The following VAV2 variants were observed in gnomAD, a reference collection of about 807,000 sequenced individuals.
VAV2 encodes vav guanine nucleotide exchange factor 2.
VAV2 carries 67 observed loss-of-function variants against 132.5 expected under a neutral mutation model. The observed-to-expected ratio is 0.51, with a 90% confidence interval of 0.42 to 0.62. The LOEUF is 0.62. VAV2 is among the 20% of genes least tolerant of loss of function. The probability of loss-of-function intolerance (pLI) is 0.00; values close to 1 mark genes in which losing one functional copy is unlikely to be tolerated. For synonymous variants in VAV2, 492 were observed against 443.5 expected (o/e 1.11, Z -1.37); for missense variants, 938 against 1,153.6 (o/e 0.81, Z 2.71).
rs1312451345 is a variant in VAV2 at position 133,802,737 on chromosome 9, T to G, written c.836+3344A>C. ...AGAGATGCCTCTCCTCTGCCCATTT[T>G]CCTCATGGTATCACCTCTGCCTCCA... On this transcript the variant is annotated intron_variant, in intron 9 of 29. Coordinates refer to ENST00000371850, the MANE Select transcript of VAV2 (RefSeq NM_001134398.2). This position sits in a 1 kb window ranked among gnomAD's most constrained non-coding sequence, Gnocchi z 5.8. Among the ~76,000 whole-genome samples, 5 of 145,862 alleles carry G rather than the reference T, an allele frequency of 3.4e-5. No homozygotes were observed. Among genetic ancestry groups the G allele is most frequent in the Non-Finnish European group, 7.4e-5 (5 of 67,986 alleles).
At chr9:133,774,452 G>A (rs141455847) in intron 25 of VAV2, among the ~76,000 whole-genome samples, 1 of 152,326 alleles carries the variant, frequency 6.6e-6, no homozygotes, top group East Asian at 1.9e-4. Context: ...CAAGGAGGCG[G>A]CTCCCAGGGA....
chr9:133,889,414 G>A (rs1838842279), intron 2 of VAV2, among the ~76,000 whole-genome samples: 1 of 152,152 alleles, frequency 6.6e-6, no homozygotes, highest in Admixed American at 6.5e-5. Context: ...AAGGGGTGGG[G>A]GAAGGCGGCC....
Position 133,806,160 on chromosome 9 carries a change from T to C in VAV2, c.757A>G (p.Ser253Gly). Residue 253 changes from serine (S) to glycine (G), a missense_variant, in exon 9 of 30, where the codon AGC (serine) becomes GGC (glycine). Coordinates refer to ENST00000371850, the MANE Select transcript of VAV2 (RefSeq NM_001134398.2). ...NLEDLIKVHH[S>G]FLRAIDVSVM... ...GACACGTCGATGGCCCTCAGGAAGC[T>C]GTGATGCACCTTGATCAGGTCCTGG... 1.2e-6 allele frequency: 2 copies of C among 1,612,676 alleles called. No individual in the cohort carries two copies. Among genetic ancestry groups the C allele is most frequent in the Non-Finnish European group, 1.7e-6 (2 of 1,179,868 alleles).
intron 2 of VAV2, among the ~76,000 whole-genome samples, chr9:133,934,609 C>T (rs866858142): frequency 3.9e-5 from 6 of 152,376 alleles, no homozygotes; most frequent in Middle Eastern, 3.4e-3. Context: ...GACATCAGAA[C>T]TCCAGGCTCT....
intron 2 of VAV2, among the ~76,000 whole-genome samples, chr9:133,934,045 TGGACAGATGAA>T (rs1196665463): frequency 4.3e-4 from 65 of 149,938 alleles, no homozygotes; most frequent in African/African-American, 1.5e-3. Flanking sequence ...GGTAGATGGA[TGGACAGATGAA>T]TGATTGATGG....
intron 3 of VAV2, among the ~76,000 whole-genome samples, chr9:133,843,179 A>C (rs187707683): frequency 9.2e-5 from 14 of 152,248 alleles, no homozygotes; most frequent in African/African-American, 2.6e-4. Context: ...GCAGTGTCGG[A>C]GATGAGCCTG....
In VAV2 at chr9:133,768,298, T is replaced by C; in HGVS notation, c.2589+144A>G. ...CCCTGTGAATGCCAACCTTCTGGGC[T>C]GCTGTGAGGATGAGGGAGATTGCAG... On this transcript the variant is annotated intron_variant, in intron 29 of 29. Coordinates refer to ENST00000371850, the MANE Select transcript of VAV2 (RefSeq NM_001134398.2). The surrounding 1 kb of genome is among the most constrained non-coding windows in gnomAD (Gnocchi z 5.3). 8.4e-7 allele frequency: 1 copy of C among 1,186,696 alleles called. No individual in the cohort carries two copies. The highest frequency in any genetic ancestry group is 2.6e-5 in the East Asian group (1 of 38,688). 73.5% of individuals were successfully genotyped at this position (1,186,696 alleles called of 1,614,324 possible). A position where few individuals can be genotyped will look rare whatever the true frequency, so the allele number is the denominator to read the frequency against.
chr9:133,834,428 T>C lies in VAV2; in HGVS notation c.381-88A>G, dbSNP rs1836384061. The stretch of plus-strand genomic sequence containing the variant: ...AGCTGGACCCCACAGCAGAGCCCAG[T>C]GTGGCCCAGCCAGGAGCAAAGGGGC... On this transcript the variant is annotated intron_variant, in intron 3 of 29. Coordinates refer to ENST00000371850, the MANE Select transcript of VAV2 (RefSeq NM_001134398.2). This position sits in a 1 kb window ranked among gnomAD's most constrained non-coding sequence, Gnocchi z 5.9. The C allele has an allele frequency of 1.4e-6, 2 of 1,397,992 alleles. No individual in the cohort carries two copies. The highest frequency in any genetic ancestry group is 1.4e-5 in the African/African-American group (1 of 70,134). The allele number at this position is 1,397,992 out of a possible 1,614,324, so 86.6% of individuals were successfully genotyped here.
intron 4 of VAV2, among the ~76,000 whole-genome samples, chr9:133,819,939 T>C (rs1835719723): frequency 6.6e-6 from 1 of 152,222 alleles, no homozygotes; most frequent in African/African-American, 2.4e-5. Flanking sequence ...ACGTATTTGA[T>C]AAAACAATGT....
chr9:133,837,535 A>G (rs1836517650), intron 3 of VAV2, among the ~76,000 whole-genome samples: 1 of 151,926 alleles, frequency 6.6e-6, no homozygotes, highest in African/African-American at 2.4e-5. Flanking sequence ...CGTCTCTACT[A>G]AAAATACAAA....
At position 133,763,011 on chromosome 9, in the gene VAV2, T is replaced by C. The variant is rs995554610; in HGVS notation, c.*1051A>G. On this transcript the variant is annotated 3_prime_UTR_variant, in exon 30 of 30. Transcript: ENST00000371850. The surrounding 1 kb of genome is among the most constrained non-coding windows in gnomAD (Gnocchi z 6.8). The stretch of plus-strand genomic sequence containing the variant: ...GTTGTGGCTGGGGGAGGTAATGGGG[T>C]AGAGCCACCCCCAAGAGCACTTATT... The C allele has an allele frequency of 2.0e-5, 3 of 151,978 alleles. No individual in the cohort carries two copies. The South Asian group carries it at 6.3e-4, about 32-fold the overall frequency. 9.4% of individuals were successfully genotyped at this position (151,978 alleles called of 1,614,324 possible).
In VAV2 at chr9:133,969,736, CTCCAGCGGGGCCG is replaced by C. The variant is rs1842264846; in HGVS notation, c.204+22326_204+22338del. ...CCCAAGCCCACCCACTCCTCCTGCG[CTCCAGCGGGGCCG>C]TCCATCTCTCTCCATTCCCACTTCT... On this transcript the variant is annotated intron_variant, in intron 1 of 29. Transcript: ENST00000371850. The surrounding 1 kb of genome is among the most constrained non-coding windows in gnomAD (Gnocchi z 5.1). 6.6e-6 allele frequency among the ~76,000 whole-genome samples: 1 copy of C among 152,158 alleles called. No homozygotes were observed. Among genetic ancestry groups the C allele is most frequent in the Non-Finnish European group, 1.5e-5 (1 of 68,012 alleles).
chr9:133,880,373 G>T (rs1417279107), intron 2 of VAV2, among the ~76,000 whole-genome samples: 1 of 152,242 alleles, frequency 6.6e-6, no homozygotes, highest in South Asian at 2.1e-4. Context: ...CTCATGAGAT[G>T]ATAAAGGCGG....
intron 1 of VAV2, among the ~76,000 whole-genome samples, chr9:133,974,229 G>T (rs533738233): frequency 1.1e-4 from 16 of 151,986 alleles, no homozygotes; most frequent in African/African-American, 3.6e-4. Context: ...CTGTCTGCCC[G>T]GAGCCAGGCA....
At chr9:133,796,349 C>CT in intron 11 of VAV2, 80 bp downstream of exon 11, 1 of 1,272,408 alleles carries the variant, frequency 7.9e-7, no homozygotes, top group African/African-American at 1.5e-5. Context: ...GGGCTGCAAC[C>CT]TATACCCCCT....
At chr9:133,886,822 T>G (rs1205981482) in intron 2 of VAV2, among the ~76,000 whole-genome samples, 1 of 152,238 alleles carries the variant, frequency 6.6e-6, no homozygotes, top group Non-Finnish European at 1.5e-5. Context: ...AAGCCTGTGT[T>G]CATAATCCAT....
chr9:133,919,337 A>C lies in VAV2; in HGVS notation c.321+19766T>G, dbSNP rs1317334882. Among the ~76,000 whole-genome samples the C allele has an allele frequency of 2.0e-5, 3 of 152,194 alleles. No homozygotes were observed. Among genetic ancestry groups the C allele is most frequent in the African/African-American group, 7.2e-5 (3 of 41,452 alleles). On this transcript the variant is annotated intron_variant, in intron 2 of 29. Coordinates refer to ENST00000371850, the MANE Select transcript of VAV2 (RefSeq NM_001134398.2). This position sits in a 1 kb window ranked among gnomAD's most constrained non-coding sequence, Gnocchi z 5.8. ...ACTTGTGGGAAAATAGAGGCTCAGAAAGGCTGGAGACTCTTAGGGCCCCAC... is the reference window on the plus strand; with the variant it reads ...ACTTGTGGGAAAATAGAGGCTCAGACAGGCTGGAGACTCTTAGGGCCCCAC...
intron 2 of VAV2, among the ~76,000 whole-genome samples, chr9:133,893,655 C>T (rs1218077347): frequency 1.3e-5 from 2 of 152,248 alleles, no homozygotes; most frequent in Admixed American, 6.5e-5. Flanking sequence ...AGCACCCAGC[C>T]CAGCCAAGGC....
At chr9:133,770,777 T>C (rs1833594653) in intron 26 of VAV2, among the ~76,000 whole-genome samples, 1 of 152,180 alleles carries the variant, frequency 6.6e-6, no homozygotes, top group Non-Finnish European at 1.5e-5. Flanking sequence ...AAGGAAAGAA[T>C]GGAAACACTC....
Sources: allele counts gnomAD v4.1 joint callset (sites outside exome capture counted in the v4.1 genomes callset), GRCh38; gene constraint gnomAD v4.1.1; non-coding constraint Gnocchi (gnomAD v3.1); transcripts MANE v1.5; gene names NCBI Gene and HGNC (gene_info 2026-07-23, HGNC 2026-07-21).